FGD5: variants seen among roughly 807,000 people sequenced by gnomAD.
FGD5 encodes FYVE, RhoGEF and PH domain containing 5, also known as FYVE, RhoGEF and PH domain-containing protein 5.
In FGD5, 28 loss-of-function variants were observed where a neutral mutation model predicts 133.4. That is an observed-to-expected ratio of 0.21 (90% CI 0.16 to 0.29). The LOEUF (loss-of-function observed/expected upper bound fraction) is 0.29. FGD5 is among the 10% of genes least tolerant of loss of function. The pLI, the probability that FGD5 is intolerant of heterozygous loss-of-function variation, is 1.00. For missense variants in FGD5, 1,858 were observed against 1,895.2 expected (o/e 0.98, Z 0.36); for synonymous variants, 810 against 776.5 (o/e 1.04, Z -0.72).
At chr3:14,874,620 G>A (rs1036805452) in intron 2 of FGD5, among the ~76,000 whole-genome samples, 5 of 152,184 alleles carry the variant, frequency 3.3e-5, no homozygotes, top group Admixed American at 6.5e-5. Flanking sequence ...ATCACTGGAA[G>A]GAAAACTGCA....
intron 4 of FGD5, 193 bp from the exon 5 acceptor site, chr3:14,897,316 A>G (rs2038156183): frequency 1.6e-6 from 1 of 620,746 alleles, no homozygotes; most frequent in Non-Finnish European, 2.7e-6. Context: ...CAGCTCAGGC[A>G]GCCCTATGGT....
rs769594913 is a variant in FGD5 at position 14,880,629 on chromosome 3, G to A, written c.2716G>A (p.Ala906Thr). Residue 906 changes from alanine to threonine, a missense_variant and splice_region_variant, in exon 3 of 20, where the codon GCA (alanine) becomes ACA (threonine). Physicochemically the swap from Ala to Thr is moderately conservative, Grantham distance 58. Transcript: ENST00000285046. ...ACAGGAACTGCTATCTTCAGAGAAA[G>A]CGTGAGTCCCCAAGGAGCTGCCTGT... ...IAQELLSSEK[A>T]YVEMLQHLNL... 53 of 1,613,912 alleles carry A rather than the reference G, an allele frequency of 3.3e-5. No individual in the cohort carries two copies. The East Asian group carries it at 1.0e-3, about 32-fold the overall frequency.
rs780191184 is a variant in FGD5, at chr3:14,820,178, G to A, written c.1107G>A (p.Ala369=). 26 of 1,613,762 alleles carry A rather than the reference G, an allele frequency of 1.6e-5. No homozygotes were observed. Among genetic ancestry groups the A allele is most frequent in the Middle Eastern group, 1.6e-4 (1 of 6,084 alleles). ...SESCSPLSES[A]KGLESEQAPK... ...GCTGTTCTCCTCTTTCTGAATCAGC[G>A]AAAGGTTTAGAATCAGAGCAGGCAC... Residue 369 remains alanine, a synonymous_variant, in exon 1 of 20, where the codon GCG becomes GCA. Coordinates refer to ENST00000285046, the MANE Select transcript of FGD5 (RefSeq NM_152536.4).
intron 4 of FGD5, among the ~76,000 whole-genome samples, chr3:14,886,227 A>G (rs1261154584): frequency 6.6e-6 from 1 of 152,170 alleles, no homozygotes; most frequent in African/African-American, 2.4e-5. Flanking sequence ...GCAACAGGTC[A>G]TGTCTCCCAG....
chr3:14,880,514 G>T, intron 2 of FGD5, 58 bp from the exon 3 acceptor site: 1 of 1,558,416 alleles, frequency 6.4e-7, no homozygotes, highest in Non-Finnish European at 8.8e-7. Context: ...CAGCATGGTG[G>T]CCTCCTCTAG....
Position 14,864,133 on chromosome 3 carries a change from A to G in FGD5, c.2531A>G (p.Tyr844Cys). Residue 844 changes from tyrosine to cysteine, a missense_variant, in exon 2 of 20, where the codon TAC becomes TGC. Around this residue, in one of 3 missense-constraint regions of FGD5, gnomAD observed 1,824 missense variants for 1,848.9 expected, o/e 0.99. Coordinates refer to ENST00000285046, the MANE Select transcript of FGD5 (RefSeq NM_152536.4). The stretch of plus-strand genomic sequence containing the variant: ...TTTCCCCTGCTTTGACCCAGCGCCT[A>G]CACAGAGCCCTACAAAGTCTGTCCC... ...QSADQDAESAYTEPYKVCPIS... is the reference protein window; with the variant it reads ...QSADQDAESACTEPYKVCPIS... 6.2e-7 allele frequency: 1 copy of G among 1,613,694 alleles called. No homozygotes were observed. The highest frequency in any genetic ancestry group is 8.5e-7 in the Non-Finnish European group (1 of 1,179,654).
At chr3:14,830,200 G>A (rs7635761) in intron 1 of FGD5, among the ~76,000 whole-genome samples, 4,546 of 152,240 alleles carry the variant, frequency 0.03, 103 homozygotes, top group Middle Eastern at 0.051. Context: ...TCATTGAAAG[G>A]ACCTAGAAAT....
rs1242592696 is a variant in FGD5, at chr3:14,922,656, C to G, written c.3807+108C>G. 4.9e-6 allele frequency: 7 copies of G among 1,422,724 alleles called. No individual in the cohort carries two copies. The highest frequency in any genetic ancestry group is 5.7e-6 in the Non-Finnish European group (6 of 1,061,236). The allele number at this position is 1,422,724 out of a possible 1,614,324, so 88.1% of individuals were successfully genotyped here. A position where few individuals can be genotyped will look rare whatever the true frequency, so the allele number is the denominator to read the frequency against. The stretch of plus-strand genomic sequence containing the variant: ...GATGTCCAGCAGCTACTGTAAGCCC[C>G]AGAGTGAGGCATGTTCACACCAACC... On this transcript the variant is annotated intron_variant, in intron 15 of 19. Transcript: ENST00000285046. The surrounding 1 kb of genome is among the most constrained non-coding windows in gnomAD (Gnocchi z 4.1).
At chr3:14,835,255 T>A (rs192105582) in intron 1 of FGD5, among the ~76,000 whole-genome samples, 1 of 152,142 alleles carries the variant, frequency 6.6e-6, no homozygotes, top group Non-Finnish European at 1.5e-5. Context: ...CCCAGTACTT[T>A]GGGAGGCTGA....
At chr3:14,897,874 G>A in intron 5 of FGD5, 65 bp from the exon 6 acceptor site, 1 of 1,594,826 alleles carries the variant, frequency 6.3e-7, no homozygotes, top group Non-Finnish European at 8.6e-7. Flanking sequence ...CAGGCCCCCT[G>A]CTTCTAACCC....
chr3:14,829,800 A>G (rs547600506), intron 1 of FGD5, among the ~76,000 whole-genome samples: 1 of 152,174 alleles, frequency 6.6e-6, no homozygotes, highest in South Asian at 2.1e-4. Flanking sequence ...TAGCATAAGC[A>G]TCCCCTCCTT....
intron 13 of FGD5, among the ~76,000 whole-genome samples, chr3:14,920,774 G>A (rs1199202575): frequency 6.6e-6 from 1 of 152,210 alleles, no homozygotes; most frequent in Non-Finnish European, 1.5e-5. Flanking sequence ...GCTTGCAAAA[G>A]GGTCACACAG....
intron 2 of FGD5, among the ~76,000 whole-genome samples, chr3:14,879,002 C>G (rs758219197): frequency 6.6e-6 from 1 of 152,158 alleles, no homozygotes; most frequent in Non-Finnish European, 1.5e-5. Context: ...CCACTGTGCC[C>G]GGCCTCAGAG....
intron 1 of FGD5, among the ~76,000 whole-genome samples, chr3:14,861,806 G>A (rs1559483963): frequency 2.0e-5 from 3 of 152,196 alleles, no homozygotes; most frequent in Non-Finnish European, 2.9e-5. Flanking sequence ...CCGCAGGCTT[G>A]CTGGACAGGC....
At chr3:14,869,545 CT>C (rs1170826388) in intron 2 of FGD5, among the ~76,000 whole-genome samples, 2 of 152,174 alleles carry the variant, frequency 1.3e-5, no homozygotes, top group African/African-American at 4.8e-5. Context: ...ATTTCCAGAG[CT>C]TTTTCCTCTT....
rs568391944 is a variant in FGD5 at position 14,909,959 on chromosome 3, T to C, written c.3337-902T>C. Among the ~76,000 whole-genome samples the C allele has an allele frequency of 4.0e-5, 6 of 151,872 alleles. No homozygotes were observed. In the South Asian group the frequency reaches 1.3e-3, roughly 32 times the overall value. ...TTTTGTATTTTTAGTAGAGACAGAGTTTCACCATATTGGCCAGGCTGGTTT... is the reference window on the plus strand; with the variant it reads ...TTTTGTATTTTTAGTAGAGACAGAGCTTCACCATATTGGCCAGGCTGGTTT... On this transcript the variant is annotated intron_variant, in intron 10 of 19. Coordinates refer to ENST00000285046, the MANE Select transcript of FGD5 (RefSeq NM_152536.4).
rs368487979 is a variant in FGD5 at position 14,923,048 on chromosome 3, C to G, written c.3810C>G (p.Ile1270Met). ...AATCTTCCCACCTGGGCCTGCAGAT[C>G]GTGTGCCGGAACTGTTCGCGGAACA... ...RRHHCHACGK[I>M]VCRNCSRNKY... Residue 1270 changes from isoleucine (I) to methionine (M), a missense_variant and splice_region_variant, in exon 16 of 20, where the codon ATC becomes ATG. Transcript: ENST00000285046. 1 of 1,613,760 alleles carries G rather than the reference C, an allele frequency of 6.2e-7. No individual in the cohort carries two copies. Among genetic ancestry groups the G allele is most frequent in the South Asian group, 1.1e-5 (1 of 91,056 alleles).
intron 1 of FGD5, among the ~76,000 whole-genome samples, chr3:14,844,237 T>A (rs1169070436): frequency 0.026 from 909 of 35,374 alleles, 102 homozygotes; most frequent in South Asian, 0.069. Flanking sequence ...TATATATATA[T>A]ATATATATAT....
chr3:14,818,687 A>G (rs1308902022), upstream of FGD5, among the ~76,000 whole-genome samples: 1 of 152,238 alleles, frequency 6.6e-6, no homozygotes, highest in African/African-American at 2.4e-5. Flanking sequence ...TGAGGAGCAC[A>G]GGATTTCATT....
Sources: allele counts gnomAD v4.1 joint callset (sites outside exome capture counted in the v4.1 genomes callset), GRCh38; gene constraint gnomAD v4.1.1; regional missense constraint gnomAD v4.1.1; non-coding constraint Gnocchi (gnomAD v3.1); transcripts MANE v1.5; gene names NCBI Gene and HGNC (gene_info 2026-07-23, HGNC 2026-07-21).